Variants in SCAF4 observed in about 807,000 individuals in gnomAD.
SCAF4 encodes SR-related CTD associated factor 4.
Under a neutral mutation model 129.8 loss-of-function variants are expected in SCAF4, and 25 were observed. That is an observed-to-expected ratio of 0.19 (90% CI 0.14 to 0.27). SCAF4 has a LOEUF of 0.27. Ranked by LOEUF, SCAF4 falls within the 10% of genes least tolerant of loss-of-function variation. The pLI is 1.00. For synonymous variants in SCAF4, 551 were observed against 497.7 expected (o/e 1.11, Z -1.43); for missense variants, 1,246 against 1,457.1 (o/e 0.86, Z 2.36).
chr21:31,679,321 C>G lies in SCAF4; in HGVS notation c.2488+5728G>C, dbSNP rs1020111755. ...CTCTTTCATCAATACCTGAAGATCCCTAAGCATATATCCCTAGGTTTTTTT... is the reference window on the plus strand; with the variant it reads ...CTCTTTCATCAATACCTGAAGATCCGTAAGCATATATCCCTAGGTTTTTTT... On this transcript the variant is annotated intron_variant, in intron 19 of 19. Transcript: ENST00000286835. Among the ~76,000 whole-genome samples, 25 of 151,924 alleles carry G rather than the reference C, an allele frequency of 1.6e-4. 1 individual carries two copies. The highest frequency in any genetic ancestry group is 1.6e-3 in the Admixed American group (24 of 15,252).
intron 1 of SCAF4, among the ~76,000 whole-genome samples, chr21:31,711,542 A>C (rs1031443032): frequency 6.6e-6 from 1 of 152,244 alleles, no homozygotes; most frequent in African/African-American, 2.4e-5. Flanking sequence ...AGATGATAGC[A>C]CTGAGGCTCA....
chr21:31,688,215 TTTTACTATGAATCCAGACATA>T (rs1045018452), intron 16 of SCAF4, 71 bp downstream of exon 16: 4 of 1,288,064 alleles, frequency 3.1e-6, no homozygotes, highest in Non-Finnish European at 4.2e-6. Context: ...TACTCATGTT[TTTTACTATGAATCCAGACATA>T]TATCTACAGT....
Position 31,685,246 on chromosome 21 carries a change from G to A in SCAF4, c.2297-6C>T, listed in dbSNP as rs1229892168. The A allele has an allele frequency of 1.3e-6, 2 of 1,577,952 alleles. No homozygotes were observed. The highest frequency in any genetic ancestry group is 2.2e-5 in the South Asian group (2 of 90,144). Reference sequence around the variant, plus strand: ...ATTTATACCAGCGATAGTAGCTAAGGAATATAATTATATCAACATGTGAAG... The same window carrying A: ...ATTTATACCAGCGATAGTAGCTAAGAAATATAATTATATCAACATGTGAAG... On this transcript the variant is annotated splice_polypyrimidine_tract_variant and splice_region_variant and intron_variant, in intron 18 of 19. Transcript: ENST00000286835.
At chr21:31,696,330 C>T in intron 8 of SCAF4, 109 bp from the exon 9 acceptor site, 2 of 801,066 alleles carry the variant, frequency 2.5e-6, no homozygotes, top group Admixed American at 5.1e-5. Flanking sequence ...TTTTACTGAA[C>T]CATATATTTA....
At chr21:31,698,923 TAGAC>T (rs1393708625) in intron 7 of SCAF4, among the ~76,000 whole-genome samples, 9 of 152,200 alleles carry the variant, frequency 5.9e-5, no homozygotes, top group African/African-American at 1.9e-4. Flanking sequence ...AGAATCTAGA[TAGAC>T]AGATGCAGAT....
intron 1 of SCAF4, among the ~76,000 whole-genome samples, chr21:31,722,440 A>G (rs2051092253): frequency 6.6e-6 from 1 of 152,164 alleles, no homozygotes; most frequent in Admixed American, 6.6e-5. Context: ...TTTACAAACA[A>G]CCAGAATCGG....
In SCAF4 at chr21:31,685,579, T is replaced by C. The variant is rs781771912; in HGVS notation, c.2198A>G (p.His733Arg). 7.4e-6 allele frequency: 12 copies of C among 1,613,902 alleles called. No homozygotes were observed. The South Asian group carries it at 1.1e-4, about 15-fold the overall frequency. The part of the protein sequence containing the change: ...PFLRPGFNPM[H>R]LPPGFLPPGP... ...ACAATTTAGTGTACCTGGTGGTAAA[T>C]GCATTGGGTTGAATCCTGGGCGCAA... The change falls in exon 17 of 20, where the codon CAT becomes CGT. Residue 733 changes from histidine (H) to arginine (R), a missense_variant. Physicochemically the swap from His to Arg is conservative, Grantham distance 29 (BLOSUM62 0). This residue lies in a region of SCAF4 where 468 missense variants were observed against 605.5 expected (regional missense o/e 0.77). Transcript: ENST00000286835.
chr21:31,714,370 A>T (rs1377393924), intron 1 of SCAF4, among the ~76,000 whole-genome samples: 3 of 152,172 alleles, frequency 2.0e-5, no homozygotes, highest in Non-Finnish European at 2.9e-5. Flanking sequence ...CCCTCCAAAT[A>T]CAAGACTTCT....
At chr21:31,716,886 C>G (rs1289151681) in intron 1 of SCAF4, among the ~76,000 whole-genome samples, 1 of 152,080 alleles carries the variant, frequency 6.6e-6, no homozygotes, top group Non-Finnish European at 1.5e-5. Context: ...TACCTGAAAG[C>G]AGAATACTGT....
At chr21:31,727,520 C>T (rs1006934757) in intron 1 of SCAF4, among the ~76,000 whole-genome samples, 10 of 152,112 alleles carry the variant, frequency 6.6e-5, no homozygotes, top group East Asian at 1.9e-4. Flanking sequence ...TCTGGCTGGG[C>T]GCAGTGGCTC....
rs970798913 is a variant in SCAF4 at position 31,726,183 on chromosome 21, T to C, written c.30+5480A>G. ...GCCTCAGCCTCCCAAGTAGCTGGGA[T>C]TACAGGCGCCCGCCACCACACCCAG... On this transcript the variant is annotated intron_variant, in intron 1 of 19. Transcript: ENST00000286835. 5.9e-5 allele frequency among the ~76,000 whole-genome samples: 9 copies of C among 152,082 alleles called. No homozygotes were observed. The South Asian group carries it at 1.9e-3, about 32-fold the overall frequency.
intron 19 of SCAF4, among the ~76,000 whole-genome samples, chr21:31,673,739 G>C (rs2049776352): frequency 6.6e-6 from 1 of 152,248 alleles, no homozygotes; most frequent in Non-Finnish European, 1.5e-5. Context: ...TCCAACACCT[G>C]TGGACTTTAA....
At chr21:31,676,816 A>C (rs1459852647) in intron 19 of SCAF4, among the ~76,000 whole-genome samples, 1 of 152,182 alleles carries the variant, frequency 6.6e-6, no homozygotes, top group African/African-American at 2.4e-5. Context: ...TTACCCTAAA[A>C]GGAAATCCTG....
intron 9 of SCAF4, among the ~76,000 whole-genome samples, chr21:31,695,719 G>C (rs1329186370): frequency 1.3e-5 from 2 of 152,154 alleles, no homozygotes; most frequent in South Asian, 2.1e-4. Flanking sequence ...AGTGTGCTAT[G>C]TATGCTCCTT....
chr21:31,715,004 G>A (rs1251189558), intron 1 of SCAF4, among the ~76,000 whole-genome samples: 1 of 152,200 alleles, frequency 6.6e-6, no homozygotes, highest in Admixed American at 6.5e-5. Flanking sequence ...GTCCTGCACT[G>A]TGAATTGGCT....
At chr21:31,676,343 T>C (rs1312255707) in intron 19 of SCAF4, among the ~76,000 whole-genome samples, 1 of 152,122 alleles carries the variant, frequency 6.6e-6, no homozygotes, top group Non-Finnish European at 1.5e-5. Context: ...AGATCTCCTT[T>C]CCCCAAACAA....
rs1459509157 is a variant in SCAF4, at chr21:31,688,379, G to T, written c.1971C>A (p.Pro657=). The T allele has an allele frequency of 1.8e-5, 29 of 1,613,602 alleles. No individual in the cohort carries two copies. Among genetic ancestry groups the T allele is most frequent in the Non-Finnish European group, 2.4e-5 (28 of 1,179,764 alleles). The change falls in exon 16 of 20, where the codon CCC becomes CCA. Residue 657 remains proline (P), a synonymous_variant. Coordinates refer to ENST00000286835, the MANE Select transcript of SCAF4 (RefSeq NM_020706.2). ...AETSHTEPVS[P]IPKPLPVPVP... ...CAGGCACAGGTAATGGTTTAGGTATGGGTGATACTGGTTCTGTGTGTGAGG... is the reference window on the plus strand; with the variant it reads ...CAGGCACAGGTAATGGTTTAGGTATTGGTGATACTGGTTCTGTGTGTGAGG...
chr21:31,716,352 A>G (rs903306872), intron 1 of SCAF4, among the ~76,000 whole-genome samples: 5 of 152,140 alleles, frequency 3.3e-5, no homozygotes, highest in African/African-American at 7.2e-5. Context: ...GAATTTAAAG[A>G]AAAAATAGAA....
rs1386295513 is a variant in SCAF4 at position 31,706,365 on chromosome 21, G to A, written c.31-8C>T. The A allele has an allele frequency of 3.2e-6, 5 of 1,583,918 alleles. No homozygotes were observed. Among genetic ancestry groups the A allele is most frequent in the Non-Finnish European group, 3.4e-6 (4 of 1,161,508 alleles). ...ATCCATAAGCGAAAAGAGCTTAAAA[G>A]ACAAAAAACAAACAAAAAGTAAAGT... On this transcript the variant is annotated splice_polypyrimidine_tract_variant and splice_region_variant and intron_variant, in intron 1 of 19. Transcript: ENST00000286835.
Sources: allele counts gnomAD v4.1 joint callset (sites outside exome capture counted in the v4.1 genomes callset), GRCh38; gene constraint gnomAD v4.1.1; regional missense constraint gnomAD v4.1.1; transcripts MANE v1.5; gene names NCBI Gene and HGNC (gene_info 2026-07-23, HGNC 2026-07-21).